The following SLFN12L variants were observed in gnomAD, a reference collection of about 807,000 sequenced individuals.
SLFN12L encodes the protein schlafen family member 12-like.
Under a neutral mutation model 34.8 loss-of-function variants are expected in SLFN12L, and 34 were observed. That is an observed-to-expected ratio of 0.98 (90% CI 0.74 to 1.30). SLFN12L has a LOEUF of 1.30. Among genes scored for constraint, SLFN12L ranks in the 50% most tolerant of loss-of-function variants. The pLI is 0.00. For synonymous variants in SLFN12L, 259 were observed against 247.5 expected, an observed-to-expected ratio of 1.05 and a Z score of -0.44; for missense variants, 703 against 696.2, an observed-to-expected ratio of 1.01 and a Z score of -0.11.
intron 2 of SLFN12L, chr17:35,498,880 A>T: frequency 1.4e-6 from 1 of 700,870 alleles, no homozygotes; most frequent in Non-Finnish European, 2.6e-6. Context: ...GAGAACAATT[A>T]CTTGGAGGCC....
chr17:35,530,627 C>T (rs2072402571), intron 1 of SLFN12L, among the ~76,000 whole-genome samples: 1 of 151,708 alleles, frequency 6.6e-6, no homozygotes, highest in African/African-American at 2.4e-5. Flanking sequence ...ATGAAGATGG[C>T]CAAGGGACGT....
intron 2 of SLFN12L, among the ~76,000 whole-genome samples, chr17:35,502,598 G>GAA (rs35043538): frequency 2.2e-5 from 3 of 139,394 alleles, no homozygotes; most frequent in South Asian, 2.2e-4. Flanking sequence ...GCAATTGAAG[G>GAA]AAAAAAAAAA....
At chr17:35,536,301 G>C (rs1214400530) in intron 1 of SLFN12L, among the ~76,000 whole-genome samples, 1 of 152,156 alleles carries the variant, frequency 6.6e-6, no homozygotes, top group African/African-American at 2.4e-5. Context: ...GTCTATTTCT[G>C]TTAAACACAG....
In SLFN12L at chr17:35,479,672, A is replaced by G. The variant is rs757118010; in HGVS notation, c.610T>C (p.Phe204Leu). Reference sequence around the variant, plus strand: ...TCAACACAGGCCCTTTTTGCAGGGAATTCTGGTCTTAAATATGCTCTCCCT... The same window carrying G: ...TCAACACAGGCCCTTTTTGCAGGGAGTTCTGGTCTTAAATATGCTCTCCCT... ...TGGRAYLRPE[F>L]PAKRACVDVQ... The change falls in exon 3 of 5, where the codon TTC (phenylalanine) becomes CTC (leucine). Residue 204 changes from phenylalanine (F) to leucine (L), a missense_variant. Coordinates refer to ENST00000628453, the MANE Select transcript of SLFN12L (RefSeq NM_001363830.2). 6.2e-7 allele frequency: 1 copy of G among 1,612,308 alleles called. No individual in the cohort carries two copies. Among genetic ancestry groups the G allele is most frequent in the South Asian group, 1.1e-5 (1 of 90,874 alleles).
At chr17:35,499,670 C>T (rs1349761113) in intron 2 of SLFN12L, 10 of 239,756 alleles carry the variant, frequency 4.2e-5, no homozygotes, top group Non-Finnish European at 6.7e-5. Context: ...CCTCACCACA[C>T]TGGATGGTAT....
intron 2 of SLFN12L, among the ~76,000 whole-genome samples, chr17:35,491,772 A>G (rs909658699): frequency 1.3e-5 from 2 of 152,368 alleles, no homozygotes; most frequent in East Asian, 1.9e-4. Flanking sequence ...AGCTCTTCTT[A>G]GGAATATTCA....
Position 35,476,113 on chromosome 17 carries a change from G to C in SLFN12L, c.1277-628C>G, listed in dbSNP as rs78875021. The stretch of plus-strand genomic sequence containing the variant: ...TTCCATATCACAGCATGGGTAAATA[G>C]AGCCCATGCAGAAATCAGCAGTTTT... On this transcript the variant is annotated intron_variant, in intron 4 of 4. Transcript: ENST00000628453. 8.6e-3 allele frequency among the ~76,000 whole-genome samples: 1,302 copies of C among 152,124 alleles called. 9 individuals are homozygous for C. Among genetic ancestry groups the C allele is most frequent in the Non-Finnish European group, 0.014 (951 of 67,998 alleles).
chr17:35,502,428 A>C (rs964242909), intron 2 of SLFN12L, among the ~76,000 whole-genome samples: 7 of 147,758 alleles, frequency 4.7e-5, no homozygotes, highest in Non-Finnish European at 9.0e-5. Flanking sequence ...AAAAAAAAAA[A>C]AAAAAAAAAA....
intron 2 of SLFN12L, among the ~76,000 whole-genome samples, chr17:35,488,822 C>G (rs1243093924): frequency 1.3e-5 from 2 of 152,130 alleles, no homozygotes; most frequent in Admixed American, 6.5e-5. Flanking sequence ...GTAATCCCAG[C>G]ACTTTGGGAG....
chr17:35,483,790 C>T (rs960974091), intron 2 of SLFN12L, among the ~76,000 whole-genome samples: 5 of 152,148 alleles, frequency 3.3e-5, no homozygotes, highest in African/African-American at 9.7e-5. Context: ...GTAATCACTA[C>T]ACTAGGAAAG....
intron 2 of SLFN12L, among the ~76,000 whole-genome samples, chr17:35,494,646 T>C (rs1350136893): frequency 6.6e-6 from 1 of 151,954 alleles, no homozygotes; most frequent in Non-Finnish European, 1.5e-5. Context: ...AGCAGACCAA[T>C]GGGACAGCAG....
At chr17:35,486,695 G>C (rs1914595643) in intron 2 of SLFN12L, among the ~76,000 whole-genome samples, 1 of 152,184 alleles carries the variant, frequency 6.6e-6, no homozygotes, top group African/African-American at 2.4e-5. Flanking sequence ...AGGTTTACAG[G>C]TTAGATGTTT....
intron 2 of SLFN12L, among the ~76,000 whole-genome samples, chr17:35,518,998 CT>C (rs1915921682): frequency 6.6e-6 from 1 of 152,196 alleles, no homozygotes; most frequent in African/African-American, 2.4e-5. Context: ...CACGTACACA[CT>C]ATGCAGCCAT....
chr17:35,496,635 G>T (rs2142146134), intron 2 of SLFN12L, among the ~76,000 whole-genome samples: 1 of 152,108 alleles, frequency 6.6e-6, no homozygotes, highest in East Asian at 1.9e-4. Context: ...CCACAACCAG[G>T]CTGGATTTAA....
intron 1 of SLFN12L, among the ~76,000 whole-genome samples, chr17:35,530,441 G>GAAGGAAAGAAAGAAAGAAAGAAAGA (rs1555545952): frequency 5.9e-5 from 1 of 16,838 alleles, no homozygotes; most frequent in Non-Finnish European, 2.2e-4. Context: ...GAAGGGAAGG[G>GAAGGAAAGAAAGAAAGAAAGAAAGA]AAGAAAGAAA....
chr17:35,498,164 C>A lies in SLFN12L; in HGVS notation c.87-17969G>T, dbSNP rs973336315. On this transcript the variant is annotated intron_variant, in intron 2 of 4. Coordinates refer to ENST00000628453, the MANE Select transcript of SLFN12L (RefSeq NM_001363830.2). The stretch of plus-strand genomic sequence containing the variant: ...AGAGACGACGGAGGCGGAAGCATCT[C>A]GATCCGGGAGGCGGCGGCGTGGGGA... 58 of 654,000 alleles carry A rather than the reference C, an allele frequency of 8.9e-5. No homozygotes were observed. In the African/African-American group the frequency reaches 9.7e-4, roughly 11 times the overall value. 40.5% of individuals were successfully genotyped at this position (654,000 alleles called of 1,614,324 possible).
At chr17:35,478,775 C>T (rs56061417) in intron 3 of SLFN12L, among the ~76,000 whole-genome samples, 20,418 of 151,992 alleles carry the variant, frequency 0.13, 1,484 homozygotes, top group South Asian at 0.25. Flanking sequence ...AGTAAGTGTT[C>T]CCAAAAGAAA....
chr17:35,501,052 T>G (rs1915277955), intron 2 of SLFN12L, among the ~76,000 whole-genome samples: 1 of 152,256 alleles, frequency 6.6e-6, no homozygotes, highest in Admixed American at 6.5e-5. Flanking sequence ...GGGTTTTGTC[T>G]GTGTCTTGTC....
At position 35,469,404 on chromosome 17, in the gene SLFN12L, A is replaced by G. The variant is rs903990373; in HGVS notation, c.*5519T>C. Among the ~76,000 whole-genome samples the G allele has an allele frequency of 6.7e-6, 1 of 148,796 alleles. No individual in the cohort carries two copies. Among genetic ancestry groups the G allele is most frequent in the Non-Finnish European group, 1.5e-5 (1 of 67,436 alleles). ...AAACTCCACCAAGATAATAGTAAAAACCTCCAAAAATTTCAGATCTACTTT... is the reference window on the plus strand; with the variant it reads ...AAACTCCACCAAGATAATAGTAAAAGCCTCCAAAAATTTCAGATCTACTTT... On this transcript the variant is annotated 3_prime_UTR_variant, in exon 5 of 5. Coordinates refer to ENST00000628453, the MANE Select transcript of SLFN12L (RefSeq NM_001363830.2).
Sources: gnomAD v4.1 joint callset for allele counts (sites outside exome capture counted in the v4.1 genomes callset) on GRCh38, gnomAD v4.1.1 for gene constraint, MANE v1.5 for transcripts, NCBI Gene and HGNC (gene_info 2026-07-23, HGNC 2026-07-21) for gene names.